Variants in C8orf34 observed in about 807,000 individuals in gnomAD.
C8orf34 encodes chromosome 8 open reading frame 34.
In C8orf34, 65 loss-of-function variants were observed where a neutral mutation model predicts 68.3. The observed-to-expected ratio is 0.95, with a 90% CI of 0.78 to 1.17. C8orf34 has a LOEUF of 1.17. Ranked by LOEUF, C8orf34 falls within the 50% of genes most tolerant of loss-of-function variation. C8orf34 has a pLI of 0.00. For missense variants in C8orf34, 664 were observed against 655.4 expected (o/e 1.01, Z -0.14); for synonymous variants, 244 against 241.2 (o/e 1.01, Z -0.11).
At chr8:68,784,151 T>C (rs1425677319) in intron 11 of C8orf34, among the ~76,000 whole-genome samples, 2 of 152,194 alleles carry the variant, frequency 1.3e-5, no homozygotes, top group Non-Finnish European at 2.9e-5. Context: ...TTGTGTCTCC[T>C]TAGGCTTTTC....
chr8:68,514,330 T>C (rs1452012657), intron 5 of C8orf34, among the ~76,000 whole-genome samples: 2 of 152,106 alleles, frequency 1.3e-5, no homozygotes, highest in Non-Finnish European at 2.9e-5. Context: ...TCTCTAAGGA[T>C]ACCCTCCCAC....
chr8:68,555,074 T>C (rs1230820486), intron 7 of C8orf34, among the ~76,000 whole-genome samples: 1 of 152,164 alleles, frequency 6.6e-6, no homozygotes, highest in Non-Finnish European at 1.5e-5. Flanking sequence ...TTTCTGTTTG[T>C]TTTCATACCC....
chr8:68,413,702 C>T (rs1374525538), intron 1 of C8orf34, among the ~76,000 whole-genome samples: 1 of 152,234 alleles, frequency 6.6e-6, no homozygotes, highest in East Asian at 1.9e-4. Flanking sequence ...AAGTTTACTT[C>T]TGTAATTTTT....
intron 7 of C8orf34, chr8:68,534,167 G>A: frequency 2.0e-6 from 2 of 985,240 alleles, no homozygotes; most frequent in Non-Finnish European, 2.4e-6. Flanking sequence ...GGTGTTATTT[G>A]GTCAATGGTG....
chr8:68,764,755 A>G (rs1823121237), intron 10 of C8orf34, among the ~76,000 whole-genome samples: 2 of 152,156 alleles, frequency 1.3e-5, no homozygotes, highest in African/African-American at 4.8e-5. Flanking sequence ...TGAGATGGAG[A>G]TGAATAGATA....
At chr8:68,395,743 G>A (rs1243999453) in intron 1 of C8orf34, among the ~76,000 whole-genome samples, 1 of 152,034 alleles carries the variant, frequency 6.6e-6, no homozygotes, top group Non-Finnish European at 1.5e-5. Flanking sequence ...CAACTAGAAG[G>A]CAGTCAAGGT....
intron 7 of C8orf34, among the ~76,000 whole-genome samples, chr8:68,558,276 T>C (rs1218269582): frequency 3.3e-5 from 5 of 152,286 alleles, no homozygotes; most frequent in East Asian, 1.9e-4. Context: ...AAGAATAGCA[T>C]TGGAGAACGA....
chr8:68,413,045 T>C (rs188514156), intron 1 of C8orf34, among the ~76,000 whole-genome samples: 1 of 152,292 alleles, frequency 6.6e-6, no homozygotes, highest in Non-Finnish European at 1.5e-5. Context: ...TTTTCATTCC[T>C]ACACCTGTGC....
intron 5 of C8orf34, among the ~76,000 whole-genome samples, chr8:68,494,972 A>G (rs1428375776): frequency 6.6e-6 from 1 of 151,522 alleles, no homozygotes; most frequent in Non-Finnish European, 1.5e-5. Flanking sequence ...ATTCTTTATA[A>G]CATCAGTACA....
At chr8:68,339,637 G>C (rs1805990046) in intron 1 of C8orf34, among the ~76,000 whole-genome samples, 1 of 151,928 alleles carries the variant, frequency 6.6e-6, no homozygotes, top group Admixed American at 6.6e-5. Flanking sequence ...AAAAGGCAGT[G>C]CAGTATTGGT....
At chr8:68,807,898 C>A (rs575294716) in intron 12 of C8orf34, among the ~76,000 whole-genome samples, 1 of 152,336 alleles carries the variant, frequency 6.6e-6, no homozygotes, top group Admixed American at 6.5e-5. Flanking sequence ...ACCCTTACTC[C>A]TCCAGTGTGG....
intron 12 of C8orf34, among the ~76,000 whole-genome samples, chr8:68,788,462 A>T (rs1168836122): frequency 6.6e-6 from 1 of 152,128 alleles, no homozygotes; most frequent in Non-Finnish European, 1.5e-5. Context: ...GAGGAGGAGG[A>T]TGGAGGCCAA....
At chr8:68,432,556 T>C (rs944215195) in intron 1 of C8orf34, among the ~76,000 whole-genome samples, 3 of 152,130 alleles carry the variant, frequency 2.0e-5, no homozygotes, top group African/African-American at 7.2e-5. Context: ...GATCTGCCTA[T>C]CTTGGCCTCC....
chr8:68,807,176 T>G (rs1291358067), intron 12 of C8orf34, among the ~76,000 whole-genome samples: 1 of 152,182 alleles, frequency 6.6e-6, no homozygotes, highest in East Asian at 1.9e-4. Flanking sequence ...CAGCACCACT[T>G]CTGCCATCTT....
At chr8:68,571,911 G>A (rs571710245) in intron 7 of C8orf34, among the ~76,000 whole-genome samples, 4 of 152,196 alleles carry the variant, frequency 2.6e-5, no homozygotes, top group African/African-American at 9.6e-5. Context: ...TGCATTCTGA[G>A]AAATGTGTCA....
chr8:68,537,196 T>G (rs1403169788), intron 7 of C8orf34, among the ~76,000 whole-genome samples: 1 of 152,100 alleles, frequency 6.6e-6, no homozygotes, highest in East Asian at 1.9e-4. Context: ...ATGTAAAATT[T>G]CTTTAAAAAG....
At chr8:68,416,859 A>G (rs764748542) in intron 1 of C8orf34, among the ~76,000 whole-genome samples, 1 of 151,998 alleles carries the variant, frequency 6.6e-6, no homozygotes, top group African/African-American at 2.4e-5. Flanking sequence ...TATTATGTCT[A>G]TTATCTGTAA....
At chr8:68,417,874 T>G (rs1263521199) in intron 1 of C8orf34, among the ~76,000 whole-genome samples, 4 of 151,904 alleles carry the variant, frequency 2.6e-5, no homozygotes, top group Admixed American at 2.6e-4. Flanking sequence ...AATCTGTAAA[T>G]TACCTTGGGC....
At chr8:68,647,221 T>C (rs1449336705) in intron 8 of C8orf34, among the ~76,000 whole-genome samples, 1 of 152,026 alleles carries the variant, frequency 6.6e-6, no homozygotes, top group Admixed American at 6.6e-5. Context: ...ATCAGGGAAA[T>C]GCAATTTAAA....
Sources: allele counts gnomAD v4.1 joint callset (sites outside exome capture counted in the v4.1 genomes callset), GRCh38; gene constraint gnomAD v4.1.1; transcripts MANE v1.5; gene names NCBI Gene and HGNC (gene_info 2026-07-23, HGNC 2026-07-21).